Variants in PCSK5 observed in about 807,000 individuals in gnomAD.
PCSK5 encodes proprotein convertase subtilisin/kexin type 5.
PCSK5 carries 129 observed loss-of-function variants against 233.2 expected under a neutral mutation model. That is an observed-to-expected ratio of 0.55 (90% CI 0.48 to 0.64). PCSK5 has a LOEUF of 0.64. PCSK5 is among the 30% of genes least tolerant of loss of function. PCSK5 has a pLI of 0.00. For synonymous variants in PCSK5, 825 were observed against 879.2 expected, an observed-to-expected ratio of 0.94 and a Z score of 1.09; for missense variants, 2,076 against 2,430.1, an observed-to-expected ratio of 0.85 and a Z score of 3.06.
chr9:75,949,304 A>C lies in PCSK5; in HGVS notation c.297+16821A>C, dbSNP rs1824734789. On this transcript the variant is annotated intron_variant, in intron 2 of 37. Transcript: ENST00000674117. ...ACATTGGTGTAAGTACTGAGGCATA[A>C]CTTTTTTTTTCAAATGGGGTTGGAG... Among the ~76,000 whole-genome samples the C allele has an allele frequency of 2.0e-5, 3 of 151,796 alleles. No individual in the cohort carries two copies. In the South Asian group the frequency reaches 6.3e-4, roughly 32 times the overall value.
chr9:76,191,458 C>G (rs1304536234), intron 20 of PCSK5, among the ~76,000 whole-genome samples: 1 of 151,862 alleles, frequency 6.6e-6, no homozygotes, highest in Non-Finnish European at 1.5e-5. Context: ...GAAGATAATA[C>G]TACTGACCTC....
chr9:75,963,873 C>A (rs542432879), intron 2 of PCSK5, among the ~76,000 whole-genome samples: 1 of 151,922 alleles, frequency 6.6e-6, no homozygotes, highest in East Asian at 1.9e-4. Flanking sequence ...AGCGAGACTT[C>A]GTCTCAAAAA....
In PCSK5 at chr9:76,354,454, G is replaced by A. The variant is rs141240723; in HGVS notation, c.5254+235G>A. 1.6e-3 allele frequency among the ~76,000 whole-genome samples: 240 copies of A among 152,236 alleles called. 1 individual carries two copies. Among genetic ancestry groups the A allele is most frequent in the Middle Eastern group, 3.4e-3 (1 of 294 alleles). On this transcript the variant is annotated intron_variant, in intron 37 of 37. Coordinates refer to ENST00000674117, the MANE Select transcript of PCSK5 (RefSeq NM_001372043.1). Reference sequence around the variant, plus strand: ...GACTGAGGCTCAAAGAGTTGGATTCGCATGCCAAGTCCATACCAATATTAA... The same window carrying A: ...GACTGAGGCTCAAAGAGTTGGATTCACATGCCAAGTCCATACCAATATTAA...
At chr9:76,210,628 T>C (rs1478214272) in intron 20 of PCSK5, among the ~76,000 whole-genome samples, 2 of 152,150 alleles carry the variant, frequency 1.3e-5, no homozygotes, top group Non-Finnish European at 2.9e-5. Flanking sequence ...CGAGCTTTAT[T>C]CTGTATTGAG....
chr9:76,063,326 T>TC (rs1297520324), intron 5 of PCSK5, among the ~76,000 whole-genome samples: 3 of 132,594 alleles, frequency 2.3e-5, no homozygotes, highest in Non-Finnish European at 4.8e-5. Context: ...TTTCTTTTTT[T>TC]TTTTTTTTTT....
chr9:76,253,688 C>T (rs932245645), intron 24 of PCSK5, among the ~76,000 whole-genome samples: 9 of 152,334 alleles, frequency 5.9e-5, no homozygotes, highest in South Asian at 4.1e-4. Flanking sequence ...CCAGGCTACA[C>T]GCTTAATGTA....
At chr9:76,269,763 A>G (rs1827450651) in intron 24 of PCSK5, among the ~76,000 whole-genome samples, 1 of 152,246 alleles carries the variant, frequency 6.6e-6, no homozygotes, top group Admixed American at 6.5e-5. Flanking sequence ...CATGGAACAT[A>G]GCAAAACTCT....
intron 3 of PCSK5, among the ~76,000 whole-genome samples, chr9:76,014,951 A>G (rs1365214809): frequency 6.6e-6 from 1 of 152,086 alleles, no homozygotes. Flanking sequence ...ATATCTGGAG[A>G]AAGAGAGAGA....
At position 76,296,724 on chromosome 9, in the gene PCSK5, T is replaced by A; in HGVS notation, c.3382T>A (p.Cys1128Ser). ...GFYGDQEMGE[C>S]ESCHRACETC... ...CTATGGTGACCAAGAAATGGGAGAA[T>A]GTGAGTCCTGCCACCGAGCATGCGA... is the stretch of plus-strand genomic sequence containing the variant. The change falls in exon 27 of 38, where the codon TGT becomes AGT. Residue 1128 changes from cysteine (C) to serine (S), a missense_variant. Cys to Ser is a moderately radical substitution (Grantham distance 112). Coordinates refer to ENST00000674117, the MANE Select transcript of PCSK5 (RefSeq NM_001372043.1). 1 of 1,612,478 alleles carries A rather than the reference T, an allele frequency of 6.2e-7. No individual in the cohort carries two copies.
chr9:75,998,019 C>G (rs1285049083), intron 3 of PCSK5, among the ~76,000 whole-genome samples: 2 of 152,290 alleles, frequency 1.3e-5, no homozygotes, highest in African/African-American at 2.4e-5. Flanking sequence ...CAAAGTCAAA[C>G]AAACTATGGT....
rs985880656 is a variant in PCSK5 at position 76,321,307 on chromosome 9, T to G, written c.3885-115T>G. 4.3e-4 allele frequency: 271 copies of G among 637,052 alleles called. 3 individuals are homozygous for G. The East Asian group carries it at 7.3e-3, about 17-fold the overall frequency. 39.5% of individuals were successfully genotyped at this position (637,052 alleles called of 1,614,324 possible). ...TCCTTATAAATCCCATGGATGCCTC[T>G]CAGCTGACGACAGCAGCAGCCCTTT... On this transcript the variant is annotated intron_variant, in intron 30 of 37. Transcript: ENST00000674117.
At chr9:76,042,783 T>G (rs1829177859) in intron 5 of PCSK5, among the ~76,000 whole-genome samples, 1 of 152,218 alleles carries the variant, frequency 6.6e-6, no homozygotes, top group Admixed American at 6.5e-5. Flanking sequence ...CCAACTTACT[T>G]ATGTACAAAC....
chr9:76,060,129 A>C (rs1829974155), intron 5 of PCSK5, among the ~76,000 whole-genome samples: 1 of 152,196 alleles, frequency 6.6e-6, no homozygotes, highest in African/African-American at 2.4e-5. Flanking sequence ...AAAGAAACAG[A>C]GCAAAGAATG....
intron 2 of PCSK5, among the ~76,000 whole-genome samples, chr9:75,940,599 G>C (rs759780560): frequency 4.6e-5 from 7 of 152,216 alleles, no homozygotes; most frequent in Non-Finnish European, 8.8e-5. Context: ...GTTGTGCTCA[G>C]GATTAGATTT....
At chr9:76,314,322 C>T (rs952886505) in intron 30 of PCSK5, among the ~76,000 whole-genome samples, 17 of 152,164 alleles carry the variant, frequency 1.1e-4, no homozygotes, top group African/African-American at 3.6e-4. Flanking sequence ...CAAGCATATG[C>T]CCTCCTGTTA....
chr9:76,246,930 C>T (rs1826625502), intron 24 of PCSK5, among the ~76,000 whole-genome samples: 1 of 152,232 alleles, frequency 6.6e-6, no homozygotes, highest in South Asian at 2.1e-4. Context: ...TGGTTGCAAG[C>T]CTCATGTTCT....
At chr9:76,149,517 A>G (rs1463046123) in intron 10 of PCSK5, among the ~76,000 whole-genome samples, 1 of 152,222 alleles carries the variant, frequency 6.6e-6, no homozygotes, top group Non-Finnish European at 1.5e-5. Context: ...TAATCCACAA[A>G]TAGGAATTTT....
chr9:76,301,673 T>C (rs1380510275), intron 27 of PCSK5, among the ~76,000 whole-genome samples: 1 of 152,098 alleles, frequency 6.6e-6, no homozygotes, highest in African/African-American at 2.4e-5. Context: ...TGAAACCCCA[T>C]CTCTACTAAA....
At chr9:75,987,530 G>C (rs141367896) in intron 3 of PCSK5, among the ~76,000 whole-genome samples, 8 of 152,276 alleles carry the variant, frequency 5.3e-5, no homozygotes, top group African/African-American at 1.9e-4. Flanking sequence ...TTTGAGATGG[G>C]TGAATGTGGC....
Sources: gnomAD v4.1 joint callset for allele counts (sites outside exome capture counted in the v4.1 genomes callset) on GRCh38, gnomAD v4.1.1 for gene constraint, MANE v1.5 for transcripts, NCBI Gene and HGNC (gene_info 2026-07-23, HGNC 2026-07-21) for gene names.